CRACD: variants seen among roughly 807,000 people sequenced by gnomAD.
CRACD encodes the protein capping protein inhibiting regulator of actin dynamics, also known as capping protein-inhibiting regulator of actin dynamics.
In CRACD, 56 loss-of-function variants were observed where a neutral mutation model predicts 106.8. That is an observed-to-expected ratio of 0.52 (90% CI 0.42 to 0.66). The LOEUF (loss-of-function observed/expected upper bound fraction) is 0.66, where lower values mean the gene tolerates loss of function less well. CRACD is among the 30% of genes least tolerant of loss of function. The probability of loss-of-function intolerance (pLI) is 0.00; values close to 1 mark genes in which losing one functional copy is unlikely to be tolerated. For synonymous variants in CRACD, 754 were observed against 670.8 expected, an observed-to-expected ratio of 1.12 and a Z score of -1.92; for missense variants, 1,730 against 1,623.2, an observed-to-expected ratio of 1.07 and a Z score of -1.13.
intron 1 of CRACD, among the ~76,000 whole-genome samples, chr4:56,051,409 GT>G (rs962846128): frequency 1.4e-4 from 21 of 152,062 alleles, no homozygotes; most frequent in African/African-American, 4.6e-4. Flanking sequence ...CTCTTGGGTG[GT>G]TTTTTTCATC....
Position 56,323,518 on chromosome 4 carries a change from G to T in CRACD, c.3329G>T (p.Arg1110Ile). Residue 1110 changes from arginine to isoleucine, a missense_variant, in exon 9 of 11, where the codon AGA becomes ATA. Around this residue, in one of 5 missense-constraint regions of CRACD, gnomAD observed 1,620 missense variants for 1,481.6 expected, o/e 1.09. Transcript: ENST00000682029. ...FREQQATREERKQAREAKQAE... is the reference protein window; with the variant it reads ...FREQQATREEIKQAREAKQAE... ...GAGCAGCAGGCGACGCGGGAGGAGA[G>T]AAAGCAAGCCAGAGAGGCCAAACAG... The T allele has an allele frequency of 6.2e-7, 1 of 1,605,572 alleles. No individual in the cohort carries two copies. The highest frequency in any genetic ancestry group is 8.5e-7 in the Non-Finnish European group (1 of 1,177,746).
At chr4:56,294,335 AT>A (rs1743866811) in intron 3 of CRACD, among the ~76,000 whole-genome samples, 1 of 152,204 alleles carries the variant, frequency 6.6e-6, no homozygotes, top group African/African-American at 2.4e-5. Context: ...ATATCCACTA[AT>A]TAAAAAATTA....
intron 1 of CRACD, among the ~76,000 whole-genome samples, chr4:56,054,362 G>C (rs1256844877): frequency 6.6e-6 from 1 of 152,046 alleles, no homozygotes; most frequent in Non-Finnish European, 1.5e-5. Context: ...TTTTTGTAGA[G>C]ATGTGGTCTC....
At chr4:56,249,521 A>G (rs538558528) in intron 2 of CRACD, among the ~76,000 whole-genome samples, 5 of 151,990 alleles carry the variant, frequency 3.3e-5, no homozygotes, top group African/African-American at 1.2e-4. Flanking sequence ...CCCATTTTGT[A>G]GGTTGCCTGT....
chr4:56,123,065 G>A (rs1734542254), intron 1 of CRACD, among the ~76,000 whole-genome samples: 1 of 152,206 alleles, frequency 6.6e-6, no homozygotes, highest in Non-Finnish European at 1.5e-5. Context: ...ATCGAAGTAA[G>A]ATAGTCTTTT....
chr4:56,301,200 C>T, intron 4 of CRACD: 1 of 1,284,432 alleles, frequency 7.8e-7, no homozygotes, highest in Non-Finnish European at 1.0e-6. Context: ...GAATCATCCC[C>T]AAAAAGACTG....
chr4:56,308,159 T>C (rs1328574075), intron 5 of CRACD, among the ~76,000 whole-genome samples: 1 of 152,218 alleles, frequency 6.6e-6, no homozygotes, highest in Non-Finnish European at 1.5e-5. Flanking sequence ...ACTGCCTGCT[T>C]TGCAGTACTG....
Position 56,323,466 on chromosome 4 carries a change from G to T in CRACD, c.3277G>T (p.Ala1093Ser). ...ETAQPLWITL[A>S]LQKQKGFREQ... ...TGCTCAGCCGCTGTGGATAACGTTAGCACTGCAAAAGCAAAAGGGGTTTCG... is the reference window on the plus strand; with the variant it reads ...TGCTCAGCCGCTGTGGATAACGTTATCACTGCAAAAGCAAAAGGGGTTTCG... Residue 1093 changes from alanine to serine, a missense_variant, in exon 9 of 11, where the codon GCA (alanine) becomes TCA (serine). Ala to Ser is a moderately conservative substitution (Grantham distance 99, BLOSUM62 1). Transcript: ENST00000682029. The T allele has an allele frequency of 6.2e-7, 1 of 1,612,182 alleles. No homozygotes were observed. The highest frequency in any genetic ancestry group is 2.2e-5 in the East Asian group (1 of 44,740).
chr4:56,128,452 T>C (rs1264731621), intron 1 of CRACD, among the ~76,000 whole-genome samples: 1 of 152,176 alleles, frequency 6.6e-6, no homozygotes, highest in Non-Finnish European at 1.5e-5. Context: ...CCTTGTGTTA[T>C]AGTTAATTTG....
chr4:56,258,095 A>G (rs927175849), intron 2 of CRACD, among the ~76,000 whole-genome samples: 5 of 152,208 alleles, frequency 3.3e-5, no homozygotes, highest in African/African-American at 4.8e-5. Context: ...AAAAAAAAGA[A>G]AAAAGAAAAG....
intron 1 of CRACD, among the ~76,000 whole-genome samples, chr4:56,058,138 C>T (rs1301031823): frequency 2.0e-5 from 3 of 151,796 alleles, no homozygotes; most frequent in East Asian, 2.0e-4. Flanking sequence ...GGCACCATCT[C>T]GGCTCACTGC....
chr4:56,267,152 G>A (rs1301241179), intron 2 of CRACD, among the ~76,000 whole-genome samples: 2 of 149,556 alleles, frequency 1.3e-5, no homozygotes, highest in South Asian at 2.1e-4. Flanking sequence ...ACGGAGTCTC[G>A]CACTGTCGCT....
chr4:56,271,701 G>A (rs1251473122), intron 2 of CRACD, among the ~76,000 whole-genome samples: 1 of 152,082 alleles, frequency 6.6e-6, no homozygotes, highest in Non-Finnish European at 1.5e-5. Context: ...GTGCTGTGCT[G>A]GCCACCATGA....
At chr4:56,088,214 T>G (rs985768270) in intron 1 of CRACD, among the ~76,000 whole-genome samples, 3 of 151,820 alleles carry the variant, frequency 2.0e-5, no homozygotes, top group Admixed American at 2.0e-4. Flanking sequence ...GTAAATTACC[T>G]GTCATGGGGT....
At chr4:56,159,522 G>A (rs901461596) in intron 1 of CRACD, among the ~76,000 whole-genome samples, 7 of 152,050 alleles carry the variant, frequency 4.6e-5, no homozygotes. Context: ...CGTGGTGGCG[G>A]GCGCCTGTAG....
chr4:56,314,441 C>T lies in CRACD; in HGVS notation c.939C>T (p.Arg313=), dbSNP rs1442605697. ...GGAGGGAGCGTGAGGAGCGCGAGCG[C>T]CTGGAGGCGGAGGAGGAGCGAAGGC... ...AERREREERE[R]LEAEEERRRL... Residue 313 remains arginine (R), a synonymous_variant, in exon 8 of 11, where the codon CGC becomes CGT. Coordinates refer to ENST00000682029, the MANE Select transcript of CRACD (RefSeq NM_001393381.1). The surrounding 1 kb of genome is among the most constrained non-coding windows in gnomAD (Gnocchi z 4.4). The T allele has an allele frequency of 1.3e-6, 2 of 1,489,818 alleles. No individual in the cohort carries two copies. Among genetic ancestry groups the T allele is most frequent in the Non-Finnish European group, 1.8e-6 (2 of 1,116,850 alleles). 92.3% of individuals were successfully genotyped at this position (1,489,818 alleles called of 1,614,324 possible).
In CRACD at chr4:56,249,330, G is replaced by T. The variant is rs543072435; in HGVS notation, c.-188-22991G>T. ...TTGCATTTCTCTGATGGCCAGTGATGATGAGCATTTTTTCATGTGTTTTTT... is the reference window on the plus strand; with the variant it reads ...TTGCATTTCTCTGATGGCCAGTGATTATGAGCATTTTTTCATGTGTTTTTT... On this transcript the variant is annotated intron_variant, in intron 2 of 10. Transcript: ENST00000682029. 2.0e-5 allele frequency among the ~76,000 whole-genome samples: 3 copies of T among 147,802 alleles called. No individual in the cohort carries two copies. In the South Asian group the frequency reaches 6.8e-4, roughly 33 times the overall value.
At chr4:56,295,899 C>T (rs73817479) in intron 3 of CRACD, among the ~76,000 whole-genome samples, 3,452 of 151,984 alleles carry the variant, frequency 0.023, 87 homozygotes, top group African/African-American at 0.048. Context: ...TGACATAGGT[C>T]CCAGGTTCTT....
intron 3 of CRACD, among the ~76,000 whole-genome samples, chr4:56,280,591 G>A (rs1022168112): frequency 2.6e-5 from 4 of 152,100 alleles, no homozygotes; most frequent in Admixed American, 6.5e-5. Context: ...CGCCTCTAAC[G>A]CTGGGCCCGG....
Sources: allele counts gnomAD v4.1 joint callset (sites outside exome capture counted in the v4.1 genomes callset), GRCh38; gene constraint gnomAD v4.1.1; regional missense constraint gnomAD v4.1.1; non-coding constraint Gnocchi (gnomAD v3.1); transcripts MANE v1.5; gene names NCBI Gene and HGNC (gene_info 2026-07-23, HGNC 2026-07-21).